LAMC2: variants seen among roughly 807,000 people sequenced by gnomAD.
LAMC2 encodes laminin subunit gamma-2.
LAMC2 carries 97 observed loss-of-function variants against 140.2 expected under a neutral mutation model. The ratio of observed to expected loss-of-function variants is 0.69; its 90% CI spans 0.59 to 0.82. LAMC2 has a LOEUF of 0.82. LAMC2 is among the 40% of genes least tolerant of loss of function. LAMC2 has a pLI of 0.00. For synonymous variants in LAMC2, 513 were observed against 540.2 expected (o/e 0.95, Z 0.70); for missense variants, 1,402 against 1,476.1 (o/e 0.95, Z 0.82).
chr1:183,226,598 T>G (rs562821411), intron 8 of LAMC2, 100 bp from the exon 9 acceptor site: 1 of 1,030,188 alleles, frequency 9.7e-7, no homozygotes, highest in African/African-American at 1.6e-5. Context: ...ACCACCTGTC[T>G]TTGTTAGGGA....
Position 183,222,071 on chromosome 1 carries a change from AT to A in LAMC2, c.641-16del. ...ATGAGGGCTTGTCCAATGCAGACTGATTATGTTTGTGTTCCAGATGTTGATG... is the reference window on the plus strand; with the variant it reads ...ATGAGGGCTTGTCCAATGCAGACTGATATGTTTGTGTTCCAGATGTTGATG... On this transcript the variant is annotated splice_polypyrimidine_tract_variant and intron_variant, in intron 5 of 22. Transcript: ENST00000264144. 2 of 1,614,104 alleles carry A rather than the reference AT, an allele frequency of 1.2e-6. No individual in the cohort carries two copies. The highest frequency in any genetic ancestry group is 1.7e-6 in the Non-Finnish European group (2 of 1,179,992).
In LAMC2 at chr1:183,225,655, T is replaced by A; in HGVS notation, c.1001T>A (p.Phe334Tyr). The change falls in exon 8 of 23, where the codon TTT becomes TAT. Residue 334 changes from phenylalanine to tyrosine, a missense_variant. Physicochemically the swap from Phe to Tyr is conservative, Grantham distance 22 (BLOSUM62 3). This residue lies in a region of LAMC2 where 723 missense variants were observed against 783.3 expected (regional missense o/e 0.92). Transcript: ENST00000264144. ...AATTGGAGCCCCCAGCTGAGTTACT[T>A]TGAGTATCGAAGGTTACTGCGGAAT... ...SNNWSPQLSY[F>Y]EYRRLLRNLT... The A allele has an allele frequency of 6.2e-7, 1 of 1,614,124 alleles. No individual in the cohort carries two copies.
chr1:183,201,941 T>A (rs1309319532), intron 1 of LAMC2, among the ~76,000 whole-genome samples: 1 of 152,096 alleles, frequency 6.6e-6, no homozygotes. Context: ...ATCTTTTGAC[T>A]CCAGCACTCT....
rs913741231 is a variant in LAMC2 at position 183,243,774 on chromosome 1, T to A, written c.*374T>A. 7 of 305,628 alleles carry A rather than the reference T, an allele frequency of 2.3e-5. No homozygotes were observed. Among genetic ancestry groups the A allele is most frequent in the African/African-American group, 1.5e-4 (7 of 46,436 alleles). 18.9% of individuals were successfully genotyped at this position (305,628 alleles called of 1,614,324 possible). A position where few individuals can be genotyped will look rare whatever the true frequency, so the allele number is the denominator to read the frequency against. ...TATAGTCAACTTATTCTTTGAGTAA[T>A]GTGACTAAAGGAAAAAACTTTGACT... On this transcript the variant is annotated 3_prime_UTR_variant, in exon 23 of 23. Transcript: ENST00000264144.
rs1660029194 is a variant in LAMC2, at chr1:183,238,348, C to T, written c.2796C>T (p.Ser932=). 4 of 1,614,090 alleles carry T rather than the reference C, an allele frequency of 2.5e-6. No homozygotes were observed. Among genetic ancestry groups the T allele is most frequent in the Non-Finnish European group, 3.4e-6 (4 of 1,179,964 alleles). Residue 932 remains serine, a synonymous_variant, in exon 19 of 23, where the codon AGC becomes AGT. Coordinates refer to ENST00000264144, the MANE Select transcript of LAMC2 (RefSeq NM_005562.3). ...TTTCCCGTGCCAATCTTGCTAAAAG[C>T]AGAGCACAAGAAGCACTGAGTATGG... ...QLLSRANLAK[S]RAQEALSMGN... is the part of the protein sequence containing the mutation.
chr1:183,227,251 A>C (rs1251184677), intron 9 of LAMC2, among the ~76,000 whole-genome samples: 1 of 152,202 alleles, frequency 6.6e-6, no homozygotes, highest in Non-Finnish European at 1.5e-5. Flanking sequence ...GTGTCAGGCC[A>C]CAGAGAACAT....
chr1:183,200,390 A>AG (rs58327272), intron 1 of LAMC2, among the ~76,000 whole-genome samples: 1 of 68,388 alleles, frequency 1.5e-5, no homozygotes, highest in Non-Finnish European at 3.5e-5. Flanking sequence ...ACTCTGTTTC[A>AG]AAAAAAAAAA....
chr1:183,202,390 G>C (rs1658737313), intron 1 of LAMC2, among the ~76,000 whole-genome samples: 1 of 151,874 alleles, frequency 6.6e-6, no homozygotes, highest in Non-Finnish European at 1.5e-5. Context: ...CATTGACCAA[G>C]GATAAAAGAA....
In LAMC2 at chr1:183,228,718, G is replaced by A; in HGVS notation, c.1714+99G>A. On this transcript the variant is annotated intron_variant, in intron 11 of 22. Coordinates refer to ENST00000264144, the MANE Select transcript of LAMC2 (RefSeq NM_005562.3). This position sits in a 1 kb window ranked among gnomAD's most constrained non-coding sequence, Gnocchi z 4.3. Reference sequence around the variant, plus strand: ...GGACAATGGCAGTTCATATCATGATGTTACTTTGATTCTCTGACCAAACTG... The same window carrying A: ...GGACAATGGCAGTTCATATCATGATATTACTTTGATTCTCTGACCAAACTG... 6.6e-7 allele frequency: 1 copy of A among 1,524,468 alleles called. No individual in the cohort carries two copies. The highest frequency in any genetic ancestry group is 1.1e-5 in the South Asian group (1 of 88,804). The allele number at this position is 1,524,468 out of a possible 1,614,324, so 94.4% of individuals were successfully genotyped here. A position where few individuals can be genotyped will look rare whatever the true frequency, so the allele number is the denominator to read the frequency against.
chr1:183,222,125 C>G lies in LAMC2; in HGVS notation c.677C>G (p.Ser226Cys), dbSNP rs1457499168. ...TGGAAGGCTGTCCAACGAAATGGGT[C>G]TCCTGCAAAGCTCCAATGGTCACAG... Reference protein sequence around the residue: ...DGWKAVQRNGSPAKLQWSQRH... With the variant: ...DGWKAVQRNGCPAKLQWSQRH... The change falls in exon 6 of 23, where the codon TCT becomes TGT. Residue 226 changes from serine to cysteine, a missense_variant. Around this residue, in one of 3 missense-constraint regions of LAMC2, gnomAD observed 723 missense variants for 783.3 expected, o/e 0.92. Coordinates refer to ENST00000264144, the MANE Select transcript of LAMC2 (RefSeq NM_005562.3). 1 of 1,613,900 alleles carries G rather than the reference C, an allele frequency of 6.2e-7. No individual in the cohort carries two copies. The highest frequency in any genetic ancestry group is 8.5e-7 in the Non-Finnish European group (1 of 1,179,940).
In LAMC2 at chr1:183,235,721, T is replaced by G. The variant is rs906124469; in HGVS notation, c.2447T>G (p.Leu816Arg). 6.2e-7 allele frequency: 1 copy of G among 1,614,016 alleles called. No homozygotes were observed. The highest frequency in any genetic ancestry group is 1.3e-5 in the African/African-American group (1 of 74,932). The part of the protein sequence containing the change: ...GSPDGAVVQG[L>R]VEKLEKTKSL... ...CCGGACGGTGCTGTGGTGCAAGGGC[T>G]TGTGGAAAAGTACGTTCCTACGGGT... Residue 816 changes from leucine (L) to arginine (R), a missense_variant, in exon 16 of 23, where the codon CTT (leucine) becomes CGT (arginine). Leu to Arg is a moderately radical substitution (Grantham distance 102). This residue lies in a region of LAMC2 where 670 missense variants were observed against 667.2 expected (regional missense o/e 1.00). Transcript: ENST00000264144.
chr1:183,198,761 G>T (rs943031773), intron 1 of LAMC2, among the ~76,000 whole-genome samples: 4 of 152,210 alleles, frequency 2.6e-5, no homozygotes, highest in Non-Finnish European at 4.4e-5. Context: ...ACAGCCCTAG[G>T]CTCGCTGCCC....
intron 1 of LAMC2, among the ~76,000 whole-genome samples, chr1:183,199,554 T>A (rs543727030): frequency 6.6e-6 from 1 of 151,844 alleles, no homozygotes; most frequent in Admixed American, 6.6e-5. Context: ...CATCTTTCCA[T>A]CCATCCATCC....
Position 183,206,863 on chromosome 1 carries a change from A to T in LAMC2, c.80-1018A>T, listed in dbSNP as rs1250708259. Among the ~76,000 whole-genome samples, 4 of 152,112 alleles carry T rather than the reference A, an allele frequency of 2.6e-5. No homozygotes were observed. The East Asian group carries it at 7.7e-4, about 29-fold the overall frequency. ...GGGAAGGGAGGTTGGTGTTCGCATC[A>T]GGCAGAGGTTCAAATCTCAGTTCTC... On this transcript the variant is annotated intron_variant, in intron 1 of 22. Coordinates refer to ENST00000264144, the MANE Select transcript of LAMC2 (RefSeq NM_005562.3).
chr1:183,201,603 A>C (rs1323540246), intron 1 of LAMC2, among the ~76,000 whole-genome samples: 2 of 151,010 alleles, frequency 1.3e-5, no homozygotes, highest in Non-Finnish European at 2.9e-5. Context: ...TATCTTTGGA[A>C]AAATAAAACA....
At chr1:183,221,536 G>A (rs922749564) in intron 5 of LAMC2, among the ~76,000 whole-genome samples, 2 of 152,040 alleles carry the variant, frequency 1.3e-5, no homozygotes, top group African/African-American at 4.8e-5. Flanking sequence ...AGACCATCCT[G>A]GCTAACATGG....
At chr1:183,222,356 G>A in intron 6 of LAMC2, 145 bp downstream of exon 6, 2 of 839,296 alleles carry the variant, frequency 2.4e-6, no homozygotes, top group Admixed American at 1.8e-5. Context: ...CCAGAAGAGA[G>A]ATGGGGGCTA....
intron 6 of LAMC2, among the ~76,000 whole-genome samples, chr1:183,222,788 T>C (rs917125603): frequency 1.3e-5 from 2 of 152,216 alleles, no homozygotes; most frequent in Non-Finnish European, 1.5e-5. Context: ...TGTGATGATA[T>C]TTGTGAAGGC....
intron 1 of LAMC2, among the ~76,000 whole-genome samples, chr1:183,190,486 C>G (rs1264149247): frequency 6.6e-6 from 1 of 151,830 alleles, no homozygotes; most frequent in Non-Finnish European, 1.5e-5. Context: ...CATTCCTTCT[C>G]CTTGCCTTTT....
Sources: gnomAD v4.1 joint callset for allele counts (sites outside exome capture counted in the v4.1 genomes callset) on GRCh38, gnomAD v4.1.1 for gene constraint, gnomAD v4.1.1 regional missense constraint, Gnocchi (gnomAD v3.1) non-coding constraint, MANE v1.5 for transcripts, NCBI Gene and HGNC (gene_info 2026-07-23, HGNC 2026-07-21) for gene names.